B3GAT2: variants seen among roughly 807,000 people sequenced by gnomAD.
B3GAT2 encodes the protein beta-1,3-glucuronyltransferase 2.
In B3GAT2, 26 loss-of-function variants were observed where a neutral mutation model predicts 27.8. That is an observed-to-expected ratio of 0.93 (90% confidence interval 0.68 to 1.30). B3GAT2 has a LOEUF of 1.30. Among genes scored for constraint, B3GAT2 ranks in the 50% most tolerant of loss-of-function variants. The pLI, the probability that B3GAT2 is intolerant of heterozygous loss-of-function variation, is 0.00. For synonymous variants in B3GAT2, 218 were observed against 195.1 expected (o/e 1.12, Z -0.98); for missense variants, 458 against 459.0 (o/e 1.00, Z 0.02).
intron 2 of B3GAT2, among the ~76,000 whole-genome samples, chr6:70,884,549 A>G (rs939679739): frequency 4.6e-5 from 7 of 152,118 alleles, no homozygotes; most frequent in African/African-American, 1.7e-4. Context: ...CACTGACATG[A>G]GCGCCACCTT....
intron 2 of B3GAT2, among the ~76,000 whole-genome samples, chr6:70,877,679 C>T (rs949300750): frequency 1.1e-4 from 17 of 152,152 alleles, no homozygotes; most frequent in African/African-American, 3.1e-4. Flanking sequence ...GTGGTGGCGG[C>T]GGGGGTGGAG....
chr6:70,939,758 G>T lies in B3GAT2; in HGVS notation c.591+16081C>A, dbSNP rs111906319. ...GGGGACTGTTGTGGGGTGGGGGTTGGGGGGAGGGATAGCATTAGGAGATAT... is the reference window on the plus strand; with the variant it reads ...GGGGACTGTTGTGGGGTGGGGGTTGTGGGGAGGGATAGCATTAGGAGATAT... On this transcript the variant is annotated intron_variant, in intron 1 of 3. Transcript: ENST00000230053. Among the ~76,000 whole-genome samples, 447 of 150,908 alleles carry T rather than the reference G, an allele frequency of 3.0e-3. 7 individuals are homozygous for T. Among genetic ancestry groups the T allele is most frequent in the African/African-American group, 0.01 (420 of 41,004 alleles).
intron 2 of B3GAT2, among the ~76,000 whole-genome samples, chr6:70,889,891 C>T (rs943040936): frequency 2.0e-5 from 3 of 151,754 alleles, no homozygotes; most frequent in African/African-American, 7.3e-5. Flanking sequence ...AAGTGATTCT[C>T]ATGTCTCAGC....
At position 70,856,856 on chromosome 6, in the gene B3GAT2, CAG is replaced by C. The variant is rs1490071023; in HGVS notation, c.*4805_*4806del. On this transcript the variant is annotated 3_prime_UTR_variant, in exon 4 of 4. Coordinates refer to ENST00000230053, the MANE Select transcript of B3GAT2 (RefSeq NM_080742.3). ...TGATAGCTTATTTTGGTGTTTGTCT[CAG>C]GGGACACCCTCTGCACCAGCAGCTG... 1.3e-6 allele frequency: 2 copies of C among 1,599,734 alleles called. No homozygotes were observed. The highest frequency in any genetic ancestry group is 2.2e-5 in the East Asian group (1 of 44,750).
chr6:70,862,007 ACTT>A, intron 2 of B3GAT2, 29 bp from the exon 3 acceptor site: 1 of 1,554,768 alleles, frequency 6.4e-7, no homozygotes, highest in Non-Finnish European at 8.7e-7. Flanking sequence ...AAAAAAAGAG[ACTT>A]TAAAATCCTG....
chr6:70,911,922 T>A (rs992507274), intron 1 of B3GAT2, among the ~76,000 whole-genome samples: 2 of 152,162 alleles, frequency 1.3e-5, no homozygotes, highest in African/African-American at 4.8e-5. Flanking sequence ...ATGAATGGGA[T>A]TGTGTCCTTG....
chr6:70,909,140 ACT>A (rs112150415), intron 1 of B3GAT2, among the ~76,000 whole-genome samples: 5 of 152,022 alleles, frequency 3.3e-5, no homozygotes, highest in Non-Finnish European at 5.9e-5. Flanking sequence ...ACATTCACAC[ACT>A]CTCTCTCTCT....
At chr6:70,893,481 A>G (rs1039473935) in intron 2 of B3GAT2, among the ~76,000 whole-genome samples, 1 of 151,614 alleles carries the variant, frequency 6.6e-6, no homozygotes, top group Non-Finnish European at 1.5e-5. Flanking sequence ...CATTTTCTAT[A>G]ACCCATAGAA....
intron 2 of B3GAT2, among the ~76,000 whole-genome samples, chr6:70,883,683 A>G (rs1259491319): frequency 6.6e-6 from 1 of 152,218 alleles, no homozygotes; most frequent in Non-Finnish European, 1.5e-5. Flanking sequence ...ATTGAATACC[A>G]CTGAACTGTC....
chr6:70,929,559 C>A (rs1257170090), intron 1 of B3GAT2, among the ~76,000 whole-genome samples: 1 of 152,144 alleles, frequency 6.6e-6, no homozygotes, highest in Non-Finnish European at 1.5e-5. Flanking sequence ...CAAAAACAGA[C>A]AGAGAGACAA....
intron 2 of B3GAT2, among the ~76,000 whole-genome samples, chr6:70,865,362 C>T (rs542364460): frequency 2.6e-5 from 4 of 152,246 alleles, no homozygotes; most frequent in Admixed American, 6.5e-5. Context: ...AAGTTATCTG[C>T]CCCCCTCGGC....
intron 1 of B3GAT2, among the ~76,000 whole-genome samples, chr6:70,954,854 A>C (rs200461630): frequency 6.0e-5 from 9 of 148,932 alleles, no homozygotes; most frequent in Admixed American, 6.7e-5. Context: ...ACACACACAC[A>C]CCGCAAGATA....
chr6:70,882,272 C>T (rs1035140967), intron 2 of B3GAT2, among the ~76,000 whole-genome samples: 12 of 152,064 alleles, frequency 7.9e-5, no homozygotes, highest in Admixed American at 2.6e-4. Flanking sequence ...GAGGTTAAGG[C>T]GGGCAGATCA....
rs559159767 is a variant in B3GAT2 at position 70,933,471 on chromosome 6, T to C, written c.591+22368A>G. 3.3e-5 allele frequency among the ~76,000 whole-genome samples: 5 copies of C among 152,302 alleles called. No individual in the cohort carries two copies. In the East Asian group the frequency reaches 9.6e-4, roughly 29 times the overall value. On this transcript the variant is annotated intron_variant, in intron 1 of 3. Transcript: ENST00000230053. The stretch of plus-strand genomic sequence containing the variant: ...TGAGCCCCAAATACTCTGATGACTG[T>C]CATCAGAACTTTTCTGCAGAGCAAG...
intron 2 of B3GAT2, among the ~76,000 whole-genome samples, chr6:70,871,993 T>C (rs1422060777): frequency 6.6e-6 from 1 of 151,986 alleles, no homozygotes; most frequent in East Asian, 1.9e-4. Context: ...TTTCCATATA[T>C]TTGTGAATTT....
intron 1 of B3GAT2, among the ~76,000 whole-genome samples, chr6:70,932,343 C>T (rs2150046274): frequency 6.6e-6 from 1 of 152,182 alleles, no homozygotes; most frequent in East Asian, 1.9e-4. Flanking sequence ...TATGTGTACA[C>T]TAATATTGGT....
intron 1 of B3GAT2, among the ~76,000 whole-genome samples, chr6:70,927,512 C>T (rs569806342): frequency 3.2e-4 from 49 of 152,126 alleles, no homozygotes; most frequent in Admixed American, 5.2e-4. Flanking sequence ...GCAAAAAAAC[C>T]GGGGGTTGCT....
In B3GAT2 at chr6:70,857,244, A is replaced by C. The variant is rs1472688679; in HGVS notation, c.*4419T>G. 6 of 406,250 alleles carry C rather than the reference A, an allele frequency of 1.5e-5. No homozygotes were observed. In the East Asian group the frequency reaches 1.5e-4, roughly 10 times the overall value. 25.2% of individuals were successfully genotyped at this position (406,250 alleles called of 1,614,324 possible). ...TCACAGAACTTTATTTGGAATTAAC[A>C]AGCTGTTCATAGATCACTAAATGTT... On this transcript the variant is annotated 3_prime_UTR_variant, in exon 4 of 4. Transcript: ENST00000230053.
chr6:70,912,416 G>A (rs748765557), intron 1 of B3GAT2, among the ~76,000 whole-genome samples: 9 of 152,096 alleles, frequency 5.9e-5, no homozygotes, highest in Non-Finnish European at 1.0e-4. Context: ...TTCTGTTCAT[G>A]TGATGAATCA....
Sources: gnomAD v4.1 joint callset for allele counts (sites outside exome capture counted in the v4.1 genomes callset) on GRCh38, gnomAD v4.1.1 for gene constraint, MANE v1.5 for transcripts, NCBI Gene and HGNC (gene_info 2026-07-23, HGNC 2026-07-21) for gene names.